TRPS1: variants seen among roughly 807,000 people sequenced by gnomAD.
The protein encoded by TRPS1 is transcriptional repressor GATA binding 1, also known as zinc finger transcription factor Trps1.
TRPS1 carries 6 observed loss-of-function variants against 101.2 expected under a neutral mutation model. That is an observed-to-expected ratio of 0.06 (90% CI 0.03 to 0.12). TRPS1 has a LOEUF of 0.12. Among genes scored for constraint, TRPS1 ranks in the 10% least tolerant of loss-of-function variants. TRPS1 has a pLI of 1.00. For missense variants in TRPS1, 1,363 were observed against 1,567.0 expected, an observed-to-expected ratio of 0.87 and a Z score of 2.20; for synonymous variants, 578 against 589.8, an observed-to-expected ratio of 0.98 and a Z score of 0.29.
At chr8:115,497,936 C>T (rs1163117951) in intron 5 of TRPS1, among the ~76,000 whole-genome samples, 1 of 149,806 alleles carries the variant, frequency 6.7e-6, no homozygotes, top group African/African-American at 2.5e-5. Context: ...GGTCATTTAA[C>T]AACATCAGGA....
At chr8:115,627,354 T>C (rs1209209352) in intron 1 of TRPS1, among the ~76,000 whole-genome samples, 3 of 151,740 alleles carry the variant, frequency 2.0e-5, no homozygotes, top group Non-Finnish European at 4.4e-5. Context: ...TTAAAATATC[T>C]GCAATGACAA....
chr8:115,439,506 T>C (rs1028230554), intron 5 of TRPS1, among the ~76,000 whole-genome samples: 1 of 152,234 alleles, frequency 6.6e-6, no homozygotes, highest in African/African-American at 2.4e-5. Context: ...CAAAGTTTAT[T>C]TTTAAAGTAA....
Position 115,446,654 on chromosome 8 carries a change from G to A in TRPS1, c.2701-28202C>T, listed in dbSNP as rs1231825989. On this transcript the variant is annotated intron_variant, in intron 5 of 6. Coordinates refer to ENST00000395715, the MANE Select transcript of TRPS1 (RefSeq NM_014112.5). Reference sequence around the variant, plus strand: ...CATCTTCCTGATTACAGTCTACCATGCATTCTCGCTCTATCCATGGCTATT... The same window carrying A: ...CATCTTCCTGATTACAGTCTACCATACATTCTCGCTCTATCCATGGCTATT... Among the ~76,000 whole-genome samples the A allele has an allele frequency of 5.3e-5, 8 of 152,078 alleles. No homozygotes were observed. The East Asian group carries it at 1.5e-3, about 29-fold the overall frequency.
intron 5 of TRPS1, among the ~76,000 whole-genome samples, chr8:115,556,844 C>T (rs375344967): frequency 7.9e-5 from 12 of 152,250 alleles, no homozygotes; most frequent in South Asian, 4.1e-4. Flanking sequence ...ATTACCTCAT[C>T]CCTAGCATTT....
At chr8:115,612,749 C>T (rs1199623601) in intron 3 of TRPS1, among the ~76,000 whole-genome samples, 1 of 152,208 alleles carries the variant, frequency 6.6e-6, no homozygotes, top group African/African-American at 2.4e-5. Flanking sequence ...CCAGGAGACT[C>T]TGTGAATTCC....
chr8:115,547,293 C>T (rs988330945), intron 5 of TRPS1, among the ~76,000 whole-genome samples: 1 of 152,038 alleles, frequency 6.6e-6, no homozygotes, highest in Non-Finnish European at 1.5e-5. Context: ...CTCTACCTCT[C>T]GCCCTCCCCT....
intron 3 of TRPS1, among the ~76,000 whole-genome samples, chr8:115,617,389 G>A (rs1408935106): frequency 6.6e-6 from 1 of 152,176 alleles, no homozygotes; most frequent in Non-Finnish European, 1.5e-5. Flanking sequence ...CAGGAAAAGT[G>A]TCCAGCTCCT....
At chr8:115,453,706 T>C (rs1253038287) in intron 5 of TRPS1, among the ~76,000 whole-genome samples, 1 of 152,204 alleles carries the variant, frequency 6.6e-6, no homozygotes, top group African/African-American at 2.4e-5. Context: ...CAAAGAGTCA[T>C]GCATCTACTG....
At chr8:115,485,319 G>C (rs1156859171) in intron 5 of TRPS1, among the ~76,000 whole-genome samples, 1 of 152,182 alleles carries the variant, frequency 6.6e-6, no homozygotes, top group African/African-American at 2.4e-5. Flanking sequence ...CCAACAACCA[G>C]AGAGCTTGGA....
chr8:115,498,898 T>G (rs1010481228), intron 5 of TRPS1, among the ~76,000 whole-genome samples: 58 of 152,160 alleles, frequency 3.8e-4, no homozygotes, highest in East Asian at 1.9e-4. Flanking sequence ...GGCAGCTACC[T>G]CCTGGGAGGT....
chr8:115,501,264 C>T (rs1815312538), intron 5 of TRPS1, among the ~76,000 whole-genome samples: 1 of 152,152 alleles, frequency 6.6e-6, no homozygotes, highest in Non-Finnish European at 1.5e-5. Context: ...GCTGAGCAGG[C>T]CCAGTGAACA....
In TRPS1 at chr8:115,410,323, T is replaced by C. The variant is rs937520382; in HGVS notation, c.*3700A>G. 2.0e-5 allele frequency: 3 copies of C among 152,636 alleles called. No homozygotes were observed. The highest frequency in any genetic ancestry group is 4.1e-4 in the South Asian group (2 of 4,828). The allele number at this position is 152,636 out of a possible 1,614,324, so 9.5% of individuals were successfully genotyped here. A position where few individuals can be genotyped will look rare whatever the true frequency, so the allele number is the denominator to read the frequency against. On this transcript the variant is annotated 3_prime_UTR_variant, in exon 7 of 7. Transcript: ENST00000395715. ...ATGTGCACATGTGCAATTATAAACA[T>C]AATGTGCTACCACAGGCTTCAACAA...
chr8:115,515,419 T>C, intron 5 of TRPS1: 1 of 573,278 alleles, frequency 1.7e-6, no homozygotes, highest in Non-Finnish European at 3.1e-6. Context: ...GCCAAATCTC[T>C]TTTTCCTATG....
At chr8:115,586,854 A>G in intron 5 of TRPS1, 147 bp downstream of exon 5, 1 of 1,374,694 alleles carries the variant, frequency 7.3e-7, no homozygotes, top group Non-Finnish European at 1.0e-6. Context: ...ACTTGCTGCC[A>G]CTTTGGCCTT....
intron 5 of TRPS1, among the ~76,000 whole-genome samples, chr8:115,502,883 C>T (rs75810578): frequency 0.016 from 2,363 of 152,142 alleles, 50 homozygotes; most frequent in African/African-American, 0.054. Context: ...TACAAAGACC[C>T]AGAAAGAGTC....
intron 5 of TRPS1, among the ~76,000 whole-genome samples, chr8:115,562,510 A>C (rs1816969313): frequency 7.7e-6 from 1 of 129,354 alleles, no homozygotes; most frequent in Admixed American, 7.8e-5. Context: ...GATTGCCAGG[A>C]AAAAAAAAAA....
intron 5 of TRPS1, among the ~76,000 whole-genome samples, chr8:115,454,185 T>C (rs1042356442): frequency 6.6e-6 from 1 of 152,294 alleles, no homozygotes; most frequent in South Asian, 2.1e-4. Context: ...TCACAGTATG[T>C]CTTGTTGGGG....
At chr8:115,578,273 C>T (rs1397809398) in intron 5 of TRPS1, among the ~76,000 whole-genome samples, 7 of 152,058 alleles carry the variant, frequency 4.6e-5, no homozygotes, top group East Asian at 1.9e-4. Flanking sequence ...ATTTTTCCCA[C>T]GCATTTTTTA....
At chr8:115,652,225 T>C (rs1586497034) in intron 1 of TRPS1, among the ~76,000 whole-genome samples, 1 of 152,114 alleles carries the variant, frequency 6.6e-6, no homozygotes, top group African/African-American at 2.4e-5. Flanking sequence ...GAAAGACCAC[T>C]GGGGCTTGGC....
Sources: gnomAD v4.1 joint callset for allele counts (sites outside exome capture counted in the v4.1 genomes callset) on GRCh38, gnomAD v4.1.1 for gene constraint, MANE v1.5 for transcripts, NCBI Gene and HGNC (gene_info 2026-07-23, HGNC 2026-07-21) for gene names.